Variants in RBFOX1 observed in about 807,000 individuals in gnomAD.
The protein encoded by RBFOX1 is RNA binding protein fox-1 homolog 1.
A neutral mutation model predicts 57.7 loss-of-function variants in RBFOX1; 8 were observed. That is an observed-to-expected ratio of 0.14 (90% CI 0.08 to 0.25). The LOEUF is 0.25. RBFOX1 is among the 10% of genes least tolerant of loss of function. RBFOX1 has a pLI of 1.00. For missense variants in RBFOX1, 611 were observed against 548.5 expected (o/e 1.11, Z -1.14); for synonymous variants, 326 against 222.4 (o/e 1.47, Z -4.15).
intron 4 of RBFOX1, among the ~76,000 whole-genome samples, chr16:7,186,682 C>T (rs12447196): frequency 0.29 from 41,747 of 145,390 alleles, 7,400 homozygotes; most frequent in African/African-American, 0.49. Flanking sequence ...TACATACTTA[C>T]GTCTTTAAAT....
At chr16:7,197,904 G>C (rs1314361628) in intron 4 of RBFOX1, among the ~76,000 whole-genome samples, 1 of 151,836 alleles carries the variant, frequency 6.6e-6, no homozygotes, top group African/African-American at 2.4e-5. Context: ...GTTGCCAAGG[G>C]AGCAGGAATT....
At chr16:6,392,772 T>G in intron 2 of RBFOX1, among the ~76,000 whole-genome samples, 1 of 152,296 alleles carries the variant, frequency 6.6e-6, no homozygotes, top group Non-Finnish European at 1.5e-5. Context: ...TTGCAGGAAT[T>G]AAAAAGCATC....
At chr16:5,571,075 G>A (rs2046265485) in intron 2 of RBFOX1, among the ~76,000 whole-genome samples, 1 of 151,900 alleles carries the variant, frequency 6.6e-6, no homozygotes, top group African/African-American at 2.4e-5. Context: ...TGTTTTTGAT[G>A]TCTGTTCACT....
At chr16:6,940,763 A>AGT (rs61349150) in intron 3 of RBFOX1, among the ~76,000 whole-genome samples, 11,231 of 113,748 alleles carry the variant, frequency 0.099, 749 homozygotes, top group Non-Finnish European at 0.13. Flanking sequence ...ATGTCCCGCT[A>AGT]GTGTGTGTGT....
intron 3 of RBFOX1, among the ~76,000 whole-genome samples, chr16:6,772,902 T>TGA (rs2078586240): frequency 6.8e-6 from 1 of 146,528 alleles, no homozygotes; most frequent in African/African-American, 2.5e-5. Context: ...TTTGTGTGTG[T>TGA]GTGTAAGTGT....
chr16:7,665,433 A>G (rs2068956453), intron 13 of RBFOX1, among the ~76,000 whole-genome samples: 1 of 152,202 alleles, frequency 6.6e-6, no homozygotes, highest in African/African-American at 2.4e-5. Context: ...CTCTCTCTAG[A>G]CATGGACAAG....
intron 4 of RBFOX1, among the ~76,000 whole-genome samples, chr16:6,007,262 G>A (rs2094933096): frequency 6.6e-6 from 1 of 152,190 alleles, no homozygotes; most frequent in African/African-American, 2.4e-5. Flanking sequence ...GTCATAAGAA[G>A]AAGTCAGTTT....
intron 3 of RBFOX1, among the ~76,000 whole-genome samples, chr16:7,000,592 C>CTTTTTTTTTTT (rs1568307066): frequency 1.2e-5 from 1 of 84,052 alleles, no homozygotes; most frequent in African/African-American, 4.2e-5. Flanking sequence ...CTTTCTTTTT[C>CTTTTTTTTTTT]TTTCTTTTTT....
intron 4 of RBFOX1, among the ~76,000 whole-genome samples, chr16:7,072,494 T>A (rs2057529561): frequency 6.6e-6 from 1 of 152,216 alleles, no homozygotes; most frequent in Non-Finnish European, 1.5e-5. Flanking sequence ...TATAACATAG[T>A]AGAAACTAAA....
chr16:6,184,524 A>AATAG (rs776785055), intron 1 of RBFOX1, among the ~76,000 whole-genome samples: 13 of 152,062 alleles, frequency 8.5e-5, no homozygotes, highest in Non-Finnish European at 1.6e-4. Context: ...TGAGATGTGA[A>AATAG]AGAGAGAGAG....
intron 1 of RBFOX1, among the ~76,000 whole-genome samples, chr16:6,260,415 A>C (rs1437712548): frequency 2.0e-5 from 3 of 152,148 alleles, no homozygotes; most frequent in Admixed American, 6.6e-5. Context: ...GGTTGGAATG[A>C]AGTGGGCCAG....
At chr16:5,424,099 G>A (rs2067439038) in intron 1 of RBFOX1, among the ~76,000 whole-genome samples, 1 of 152,128 alleles carries the variant, frequency 6.6e-6, no homozygotes, top group African/African-American at 2.4e-5. Flanking sequence ...TCCCCACTAT[G>A]TGCCTCTCAG....
At chr16:7,266,917 G>T (rs74429107) in intron 4 of RBFOX1, among the ~76,000 whole-genome samples, 5,827 of 152,084 alleles carry the variant, frequency 0.038, 146 homozygotes, top group South Asian at 0.065. Context: ...GGAGGTTGCT[G>T]GGGGGAGACT....
At chr16:6,760,473 T>TA (rs1023228738) in intron 3 of RBFOX1, among the ~76,000 whole-genome samples, 4 of 152,168 alleles carry the variant, frequency 2.6e-5, no homozygotes, top group Non-Finnish European at 5.9e-5. Flanking sequence ...AAAAATAAGA[T>TA]AAAATACCAA....
rs1269387904 is a variant in RBFOX1 at position 7,707,868 on chromosome 16, C to T, written c.996-1188C>T. Among the ~76,000 whole-genome samples, 3 of 152,178 alleles carry T rather than the reference C, an allele frequency of 2.0e-5. No homozygotes were observed. In the East Asian group the frequency reaches 5.8e-4, roughly 29 times the overall value. On this transcript the variant is annotated intron_variant, in intron 14 of 15. Coordinates refer to ENST00000550418, the MANE Select transcript of RBFOX1 (RefSeq NM_018723.4). ...TGCCCCTCTCTTCCTCTTGAGGACACCCCATTCGGTAAGTCACTTGCACAG... is the reference window on the plus strand; with the variant it reads ...TGCCCCTCTCTTCCTCTTGAGGACATCCCATTCGGTAAGTCACTTGCACAG...
At chr16:6,492,459 T>C (rs919872472) in intron 2 of RBFOX1, among the ~76,000 whole-genome samples, 4 of 152,038 alleles carry the variant, frequency 2.6e-5, no homozygotes, top group Non-Finnish European at 4.4e-5. Context: ...GTCCCAGCTA[T>C]TCAGGAGGCT....
At chr16:7,377,742 G>A (rs182447134) in intron 4 of RBFOX1, among the ~76,000 whole-genome samples, 1 of 152,230 alleles carries the variant, frequency 6.6e-6, no homozygotes, top group East Asian at 1.9e-4. Flanking sequence ...GAGACACAGG[G>A]GTAAACAAGA....
intron 3 of RBFOX1, among the ~76,000 whole-genome samples, chr16:6,917,422 T>A (rs1297711136): frequency 1.3e-5 from 2 of 152,210 alleles, no homozygotes; most frequent in Non-Finnish European, 2.9e-5. Flanking sequence ...AATCTACAAG[T>A]GCTTTTGTCC....
At chr16:5,373,960 C>G (rs1404291265) in intron 1 of RBFOX1, among the ~76,000 whole-genome samples, 3 of 152,228 alleles carry the variant, frequency 2.0e-5, no homozygotes, top group Admixed American at 1.3e-4. Flanking sequence ...TCTTGTCACC[C>G]AGGCCAGAGT....
Sources: allele counts gnomAD v4.1 joint callset (sites outside exome capture counted in the v4.1 genomes callset), GRCh38; gene constraint gnomAD v4.1.1; transcripts MANE v1.5; gene names NCBI Gene and HGNC (gene_info 2026-07-23, HGNC 2026-07-21).